Variants in LRRC37A2 observed in about 807,000 individuals in gnomAD.
The protein encoded by LRRC37A2 is leucine rich repeat containing 37 member A2.
In LRRC37A2, 9 loss-of-function variants were observed where a neutral mutation model predicts 68.8. That is an observed-to-expected ratio of 0.13 (90% CI 0.08 to 0.23). The LOEUF is 0.23. LRRC37A2 is among the 10% of genes least tolerant of loss of function. The pLI is 1.00. For missense variants in LRRC37A2, 168 were observed against 950.4 expected (o/e 0.18, Z 10.82); for synonymous variants, 63 against 367.6 (o/e 0.17, Z 9.48).
the LRRC37A2 span, among the ~76,000 whole-genome samples, chr17:46,834,957 T>C: frequency 6.6e-6 from 1 of 152,122 alleles, no homozygotes; most frequent in African/African-American, 2.4e-5. Flanking sequence ...ACTCCCTAGA[T>C]TGGCCCTCAG....
chr17:46,793,527 G>T, the LRRC37A2 span, among the ~76,000 whole-genome samples: 1 of 152,154 alleles, frequency 6.6e-6, no homozygotes, highest in Non-Finnish European at 1.5e-5. Flanking sequence ...CTCAGACAAG[G>T]CTGGACCCAC....
the LRRC37A2 span, chr17:46,774,043 A>C: frequency 7.6e-7 from 1 of 1,307,402 alleles, no homozygotes; most frequent in South Asian, 1.3e-5. Context: ...TGAATGTGCT[A>C]CCTTTGACCT....
At chr17:46,940,952 T>A in the LRRC37A2 span, 8 of 1,245,288 alleles carry the variant, frequency 6.4e-6, no homozygotes, top group Non-Finnish European at 6.1e-6. Flanking sequence ...AGTGTGACTC[T>A]CTCCACCGCC....
chr17:46,935,116 T>C, the LRRC37A2 span: 1 of 1,614,060 alleles, frequency 6.2e-7, no homozygotes, highest in East Asian at 2.2e-5. Context: ...TGACCTCATT[T>C]TAGATGGGCA....
At chr17:46,708,341 G>A in the LRRC37A2 span, among the ~76,000 whole-genome samples, 1 of 152,034 alleles carries the variant, frequency 6.6e-6, no homozygotes, top group Non-Finnish European at 1.5e-5. Flanking sequence ...TTCTCCACAT[G>A]CTCACCAACA....
At chr17:46,876,595 G>T in the LRRC37A2 span, 1 of 1,613,322 alleles carries the variant, frequency 6.2e-7, no homozygotes, top group Non-Finnish European at 8.5e-7. Flanking sequence ...TGTGCTGCGG[G>T]CGGGGCTATG....
chr17:46,497,085 G>A, the LRRC37A2 span, among the ~76,000 whole-genome samples: 1 of 131,860 alleles, frequency 7.6e-6, no homozygotes, highest in South Asian at 2.5e-4. Context: ...ATAGAGATGG[G>A]GTTTTGCCAT....
chr17:46,456,246 GTA>G, the LRRC37A2 span, among the ~76,000 whole-genome samples: 6 of 106,888 alleles, frequency 5.6e-5, no homozygotes, highest in African/African-American at 1.9e-4. Flanking sequence ...GTGTGTGTGT[GTA>G]TACACATATA....
At chr17:46,710,151 T>C in the LRRC37A2 span, among the ~76,000 whole-genome samples, 1 of 152,178 alleles carries the variant, frequency 6.6e-6, no homozygotes, top group Non-Finnish European at 1.5e-5. Flanking sequence ...ATTCTCAAGA[T>C]ACATGATCTT....
chr17:46,876,500 G>A, the LRRC37A2 span: 1 of 1,613,616 alleles, frequency 6.2e-7, no homozygotes, highest in African/African-American at 1.3e-5. Flanking sequence ...GTACATGGAG[G>A]ACTCACCCAG....
At chr17:47,048,253 T>A in the LRRC37A2 span, among the ~76,000 whole-genome samples, 2 of 151,318 alleles carry the variant, frequency 1.3e-5, no homozygotes, top group South Asian at 4.2e-4. Context: ...TACTTCTTCC[T>A]CTGACCCTCA....
chr17:46,930,572 C>T, the LRRC37A2 span: 1 of 154,028 alleles, frequency 6.5e-6, no homozygotes, highest in South Asian at 2.0e-4. Context: ...CCCATTCTTA[C>T]AGAAAGCTTT....
At chr17:46,954,354 G>A in the LRRC37A2 span, among the ~76,000 whole-genome samples, 4 of 152,234 alleles carry the variant, frequency 2.6e-5, no homozygotes, top group Admixed American at 2.6e-4. Context: ...GTAGATAAGC[G>A]GCATTATTTC....
At chr17:46,694,714 C>T in the LRRC37A2 span, 1 of 1,551,160 alleles carries the variant, frequency 6.4e-7, no homozygotes, top group Non-Finnish European at 8.8e-7. Flanking sequence ...TATTCTTTCT[C>T]TTTCCTTTCA....
At chr17:46,983,289 CTTTTTTTTT>C in the LRRC37A2 span, among the ~76,000 whole-genome samples, 1 of 76,848 alleles carries the variant, frequency 1.3e-5, no homozygotes, top group Non-Finnish European at 2.4e-5. Context: ...GCCCTTTCTT[CTTTTTTTTT>C]TTTTTTTTTT....
chr17:47,013,050 T>C, the LRRC37A2 span, among the ~76,000 whole-genome samples: 2 of 152,246 alleles, frequency 1.3e-5, no homozygotes, highest in Non-Finnish European at 2.9e-5. Flanking sequence ...AGTATCATTA[T>C]GCGCTCCAGC....
chr17:46,814,457 A>G, the LRRC37A2 span, among the ~76,000 whole-genome samples: 1 of 152,022 alleles, frequency 6.6e-6, no homozygotes, highest in South Asian at 2.1e-4. Flanking sequence ...GGTGAGCGGG[A>G]GGGCTGTTAA....
At chr17:46,986,776 G>GTCCTGGACACAGTGA in the LRRC37A2 span, among the ~76,000 whole-genome samples, 1 of 152,180 alleles carries the variant, frequency 6.6e-6, no homozygotes, top group East Asian at 1.9e-4. Context: ...TTTTCCTTCT[G>GTCCTGGACACAGTGA]TCCTGGACAC....
chr17:46,798,787 C>A, the LRRC37A2 span, among the ~76,000 whole-genome samples: 3 of 152,204 alleles, frequency 2.0e-5, no homozygotes, highest in Non-Finnish European at 2.9e-5. Context: ...CAGTGGCTCA[C>A]ACCTGTAATC....
Sources: gnomAD v4.1 joint callset for allele counts (sites outside exome capture counted in the v4.1 genomes callset) on GRCh38, gnomAD v4.1.1 for gene constraint, MANE v1.5 for transcripts, NCBI Gene and HGNC (gene_info 2026-07-23, HGNC 2026-07-21) for gene names.